The following CHCHD3 variants were observed in gnomAD, a reference collection of about 807,000 sequenced individuals.
CHCHD3 encodes the protein coiled-coil-helix-coiled-coil-helix domain containing 3, also known as MICOS complex subunit MIC19.
A neutral mutation model predicts 38.2 loss-of-function variants in CHCHD3; 20 were observed. The observed-to-expected ratio is 0.52, with a 90% confidence interval of 0.37 to 0.76. CHCHD3 has a LOEUF of 0.76. Ranked by LOEUF, CHCHD3 falls within the 30% of genes least tolerant of loss-of-function variation. The pLI is 0.00. For missense variants in CHCHD3, 245 were observed against 279.2 expected (o/e 0.88, Z 0.87); for synonymous variants, 82 against 100.0 (o/e 0.82, Z 1.07).
At chr7:132,926,933 C>G (rs922654584) in intron 4 of CHCHD3, among the ~76,000 whole-genome samples, 21 of 151,868 alleles carry the variant, frequency 1.4e-4, no homozygotes, top group Admixed American at 2.0e-4. Context: ...TAGGTATTTT[C>G]GTTTTAACAA....
intron 6 of CHCHD3, among the ~76,000 whole-genome samples, chr7:132,824,990 G>A (rs1807472544): frequency 6.6e-6 from 1 of 152,148 alleles, no homozygotes; most frequent in South Asian, 2.1e-4. Flanking sequence ...CAACCATATG[G>A]AATGTATAAG....
chr7:132,871,382 GC>G (rs1426029195), intron 5 of CHCHD3, among the ~76,000 whole-genome samples: 1 of 152,158 alleles, frequency 6.6e-6, no homozygotes, highest in African/African-American at 2.4e-5. Flanking sequence ...AGGGACGTCT[GC>G]CAAATTTCCA....
Position 132,984,898 on chromosome 7 carries a change from T to TG in CHCHD3, c.252-9613dup, listed in dbSNP as rs1270450815. Reference sequence around the variant, plus strand: ...CCAGCCGCCCCATCCGGGAGGGAGGTGGGGGGGTCAGCCCCCCGCCCGGCC... The same window carrying TG: ...CCAGCCGCCCCATCCGGGAGGGAGGTGGGGGGGGTCAGCCCCCCGCCCGGCC... On this transcript the variant is annotated intron_variant, in intron 3 of 7. Coordinates refer to ENST00000262570, the MANE Select transcript of CHCHD3 (RefSeq NM_017812.4). Among the ~76,000 whole-genome samples the TG allele has an allele frequency of 5.9e-5, 5 of 84,540 alleles. 1 individual carries two copies. Among genetic ancestry groups the TG allele is most frequent in the Admixed American group, 1.2e-4 (1 of 8,456 alleles). 55.5% of individuals were successfully genotyped at this position (84,540 alleles called of 152,430 possible).
intron 5 of CHCHD3, among the ~76,000 whole-genome samples, chr7:132,854,216 G>T (rs984097929): frequency 2.6e-5 from 4 of 152,096 alleles, no homozygotes; most frequent in African/African-American, 9.7e-5. Context: ...CTAAAAATTT[G>T]TTCATTGTGG....
chr7:132,928,947 T>C (rs2117251128), intron 4 of CHCHD3, among the ~76,000 whole-genome samples: 1 of 152,252 alleles, frequency 6.6e-6, no homozygotes, highest in East Asian at 1.9e-4. Flanking sequence ...CATCAACTTA[T>C]TATCACCTCT....
chr7:133,008,425 GA>G lies in CHCHD3; in HGVS notation c.251+16120del, dbSNP rs988855864. Among the ~76,000 whole-genome samples, 605 of 73,934 alleles carry G rather than the reference GA, an allele frequency of 8.2e-3. 3 individuals are homozygous for G. The highest frequency in any genetic ancestry group is 0.058 in the Middle Eastern group (8 of 138). The allele number at this position is 73,934 out of a possible 152,430, so 48.5% of individuals were successfully genotyped here. ...CTGTATTCTACACACATGCAGAAAA[GA>G]AAAAAAAAAAAGAAAAAAAAAGCAA... On this transcript the variant is annotated intron_variant, in intron 3 of 7. Transcript: ENST00000262570.
chr7:132,953,602 C>G (rs1223475930), intron 4 of CHCHD3, among the ~76,000 whole-genome samples: 1 of 152,208 alleles, frequency 6.6e-6, no homozygotes, highest in Non-Finnish European at 1.5e-5. Flanking sequence ...CTGGAGGTCC[C>G]AGCAGGTCTG....
intron 5 of CHCHD3, among the ~76,000 whole-genome samples, chr7:132,878,592 C>T (rs1338614129): frequency 6.6e-6 from 1 of 152,054 alleles, no homozygotes; most frequent in Admixed American, 6.6e-5. Flanking sequence ...CTCTTTTGCC[C>T]AGCTTATCTA....
At chr7:132,863,340 A>G (rs1210740447) in intron 5 of CHCHD3, among the ~76,000 whole-genome samples, 3 of 152,234 alleles carry the variant, frequency 2.0e-5, no homozygotes, top group Admixed American at 2.0e-4. Context: ...GAGCAGTAAT[A>G]CTTTAAATGG....
chr7:132,902,497 G>A (rs567300544), intron 4 of CHCHD3, among the ~76,000 whole-genome samples: 1 of 152,300 alleles, frequency 6.6e-6, no homozygotes, highest in East Asian at 1.9e-4. Context: ...CATAAAAAAT[G>A]ATGAGTTCAT....
At chr7:133,044,617 T>G (rs1465488066) in intron 2 of CHCHD3, among the ~76,000 whole-genome samples, 2 of 152,268 alleles carry the variant, frequency 1.3e-5, no homozygotes, top group African/African-American at 4.8e-5. Flanking sequence ...TCCAGCCCTA[T>G]TGTAATCAAA....
chr7:132,992,203 C>A (rs1463956001), intron 3 of CHCHD3, among the ~76,000 whole-genome samples: 3 of 152,192 alleles, frequency 2.0e-5, no homozygotes, highest in Non-Finnish European at 4.4e-5. Context: ...GCAGCACTTG[C>A]TCCTGCAGCA....
intron 5 of CHCHD3, among the ~76,000 whole-genome samples, chr7:132,872,349 G>A (rs776738434): frequency 1.3e-5 from 2 of 152,184 alleles, no homozygotes; most frequent in East Asian, 1.9e-4. Context: ...AGCGTGCTGG[G>A]CTGCTGTGGA....
chr7:132,949,764 G>T (rs530150474), intron 4 of CHCHD3, among the ~76,000 whole-genome samples: 2 of 151,904 alleles, frequency 1.3e-5, no homozygotes, highest in Non-Finnish European at 2.9e-5. Flanking sequence ...TAATCACCAA[G>T]AAAAAAATAT....
At chr7:132,786,583 C>A (rs941570967) in intron 7 of CHCHD3, among the ~76,000 whole-genome samples, 2 of 151,994 alleles carry the variant, frequency 1.3e-5, no homozygotes, top group Non-Finnish European at 2.9e-5. Flanking sequence ...TGATACTTTC[C>A]CCTCTAGTTT....
chr7:132,947,837 A>G (rs1810935122), intron 4 of CHCHD3, among the ~76,000 whole-genome samples: 1 of 152,052 alleles, frequency 6.6e-6, no homozygotes, highest in Non-Finnish European at 1.5e-5. Flanking sequence ...ATGTAATTAA[A>G]CATTAAATGA....
intron 3 of CHCHD3, among the ~76,000 whole-genome samples, chr7:132,988,945 T>C (rs191036991): frequency 2.4e-4 from 37 of 152,130 alleles, no homozygotes; most frequent in African/African-American, 8.7e-4. Context: ...AATAAAAAAA[T>C]AGTAACACAA....
chr7:132,825,323 AG>A (rs1807482038), intron 6 of CHCHD3, among the ~76,000 whole-genome samples: 1 of 152,258 alleles, frequency 6.6e-6, no homozygotes. Context: ...ATTCACTAAC[AG>A]AAAAGAACTC....
At chr7:132,982,376 C>T (rs927726052) in intron 3 of CHCHD3, among the ~76,000 whole-genome samples, 2 of 152,178 alleles carry the variant, frequency 1.3e-5, no homozygotes, top group East Asian at 1.9e-4. Flanking sequence ...CCTCCACCTC[C>T]GGGATTCAAG....
Sources: allele counts gnomAD v4.1 joint callset (sites outside exome capture counted in the v4.1 genomes callset), GRCh38; gene constraint gnomAD v4.1.1; transcripts MANE v1.5; gene names NCBI Gene and HGNC (gene_info 2026-07-23, HGNC 2026-07-21).